Variants in RAP1GAP2 observed in about 807,000 individuals in gnomAD.
The protein encoded by RAP1GAP2 is RAP1 GTPase activating protein 2, also known as rap1 GTPase-activating protein 2.
A neutral mutation model predicts 95.0 loss-of-function variants in RAP1GAP2; 27 were observed. The ratio of observed to expected loss-of-function variants is 0.28; its 90% CI spans 0.21 to 0.39. RAP1GAP2 has a LOEUF of 0.39. Among genes scored for constraint, RAP1GAP2 ranks in the 10% least tolerant of loss-of-function variants. The probability of loss-of-function intolerance (pLI) is 1.00; values close to 1 mark genes in which losing one functional copy is unlikely to be tolerated. For missense variants in RAP1GAP2, 771 were observed against 970.0 expected (o/e 0.79, Z 2.72); for synonymous variants, 373 against 380.9 (o/e 0.98, Z 0.24).
rs114697540 is a variant in RAP1GAP2 at position 2,985,372 on chromosome 17, T to A, written c.813+306T>A. 3.7e-3 allele frequency among the ~76,000 whole-genome samples: 561 copies of A among 152,230 alleles called. 7 individuals are homozygous for A. Among genetic ancestry groups the A allele is most frequent in the African/African-American group, 0.013 (536 of 41,530 alleles). ...CTGCTGGTTATAAGAAAAACCAGACTAGGTCAAGGGAATGGAGGAGCATAG... is the reference window on the plus strand; with the variant it reads ...CTGCTGGTTATAAGAAAAACCAGACAAGGTCAAGGGAATGGAGGAGCATAG... On this transcript the variant is annotated intron_variant, in intron 11 of 24. Transcript: ENST00000254695.
At chr17:2,940,202 G>C (rs1308182287) in intron 3 of RAP1GAP2, among the ~76,000 whole-genome samples, 2 of 152,148 alleles carry the variant, frequency 1.3e-5, no homozygotes, top group South Asian at 4.1e-4. Context: ...CCTGCCACGG[G>C]TCATGGAAGC....
rs78156270 is a variant in RAP1GAP2 at position 2,935,682 on chromosome 17, C to T, written c.166-22077C>T. Among the ~76,000 whole-genome samples, 736 of 152,260 alleles carry T rather than the reference C, an allele frequency of 4.8e-3. 8 individuals carry two copies. Among genetic ancestry groups the T allele is most frequent in the African/African-American group, 0.016 (652 of 41,530 alleles). On this transcript the variant is annotated intron_variant, in intron 3 of 24. Coordinates refer to ENST00000254695, the MANE Select transcript of RAP1GAP2 (RefSeq NM_015085.5). ...TCGATCACTGTTGCAATGTCAAGCA[C>T]GTTCACATTTGTGGCCTCATTTGAT...
At chr17:2,799,572 G>A (rs925813834) in intron 1 of RAP1GAP2, among the ~76,000 whole-genome samples, 10 of 152,314 alleles carry the variant, frequency 6.6e-5, no homozygotes, top group African/African-American at 2.4e-5. Context: ...GCATGCTGGA[G>A]CCAGTGGCAG....
chr17:2,886,678 A>G (rs2073516480), intron 2 of RAP1GAP2, among the ~76,000 whole-genome samples: 1 of 152,072 alleles, frequency 6.6e-6, no homozygotes, highest in Admixed American at 6.6e-5. Flanking sequence ...TGTGGACTTC[A>G]GGTTTGTCTA....
At chr17:2,940,304 C>T (rs1012451986) in intron 3 of RAP1GAP2, among the ~76,000 whole-genome samples, 6 of 152,160 alleles carry the variant, frequency 3.9e-5, no homozygotes, top group African/African-American at 9.7e-5. Context: ...ACTCAGCACC[C>T]GGGCCTTTCC....
At chr17:2,892,184 A>G (rs1034520870) in intron 2 of RAP1GAP2, among the ~76,000 whole-genome samples, 2 of 151,826 alleles carry the variant, frequency 1.3e-5, no homozygotes, top group African/African-American at 4.8e-5. Flanking sequence ...GTCACTGAGA[A>G]TTTTTCATTT....
chr17:2,977,770 AAAGAT>A (rs1245645071), intron 8 of RAP1GAP2, among the ~76,000 whole-genome samples: 1 of 151,202 alleles, frequency 6.6e-6, no homozygotes, highest in African/African-American at 2.4e-5. Flanking sequence ...AAAAAAAAAA[AAAGAT>A]GAGAAGCAAC....
In RAP1GAP2 at chr17:2,905,102, T is replaced by C. The variant is rs148340628; in HGVS notation, c.81-182T>C. On this transcript the variant is annotated intron_variant, in intron 2 of 24. Transcript: ENST00000254695. ...TTCACCATGTTGGTCAGGCTGGTCTTGAACTCCTGACCTCAGGTGATCCGT... is the reference window on the plus strand; with the variant it reads ...TTCACCATGTTGGTCAGGCTGGTCTCGAACTCCTGACCTCAGGTGATCCGT... 9.4e-3 allele frequency among the ~76,000 whole-genome samples: 1,432 copies of C among 152,292 alleles called. 17 individuals carry two copies. Among genetic ancestry groups the C allele is most frequent in the African/African-American group, 0.031 (1,294 of 41,554 alleles).
chr17:2,776,083 G>C (rs532968099), upstream of RAP1GAP2, among the ~76,000 whole-genome samples: 1 of 152,310 alleles, frequency 6.6e-6, no homozygotes, highest in African/African-American at 2.4e-5. Context: ...GCAGGCTGAG[G>C]CACAAGAATC....
At chr17:2,756,210 C>G (rs531156758) in intron 1 of RAP1GAP2, among the ~76,000 whole-genome samples, 45 of 152,232 alleles carry the variant, frequency 3.0e-4, no homozygotes, top group Admixed American at 7.9e-4. Context: ...CAGCCCCCAA[C>G]CCCTGCGTGG....
At position 2,965,676 on chromosome 17, in the gene RAP1GAP2, C is replaced by T. The variant is rs1031546946; in HGVS notation, c.596+33C>T. ...TGTTGCGCTGCTTGAGGCCACTTCT[C>T]TTCCAGGCAGGGCTCTCATCGGTGG... On this transcript the variant is annotated intron_variant, in intron 8 of 24. Coordinates refer to ENST00000254695, the MANE Select transcript of RAP1GAP2 (RefSeq NM_015085.5). The surrounding 1 kb of genome is among the most constrained non-coding windows in gnomAD (Gnocchi z 4.7). 3.4e-6 allele frequency: 5 copies of T among 1,475,816 alleles called. No individual in the cohort carries two copies. Among genetic ancestry groups the T allele is most frequent in the African/African-American group, 2.8e-5 (2 of 72,136 alleles). The allele number at this position is 1,475,816 out of a possible 1,614,324, so 91.4% of individuals were successfully genotyped here.
chr17:2,974,186 A>AC (rs1406572964), intron 8 of RAP1GAP2, among the ~76,000 whole-genome samples: 1 of 41,710 alleles, frequency 2.4e-5, no homozygotes, highest in African/African-American at 1.7e-4. Flanking sequence ...CTAAAAATAC[A>AC]AAAAAAAAAA....
At chr17:2,908,898 G>GTC (rs1246036153) in intron 3 of RAP1GAP2, among the ~76,000 whole-genome samples, 5 of 152,016 alleles carry the variant, frequency 3.3e-5, no homozygotes, top group Non-Finnish European at 1.5e-5. Context: ...TAGAGACAAG[G>GTC]TCTTGCTGTG....
chr17:2,869,678 A>C (rs1404357934), intron 2 of RAP1GAP2, among the ~76,000 whole-genome samples: 1 of 152,106 alleles, frequency 6.6e-6, no homozygotes, highest in Non-Finnish European at 1.5e-5. Context: ...GCCCAAGCTC[A>C]CACCCCCACT....
In RAP1GAP2 at chr17:2,780,096, G is replaced by A. The variant is rs369946727; in HGVS notation, c.-14+2818G>A. On this transcript the variant is annotated intron_variant, in intron 1 of 24. Transcript: ENST00000540393. ...ATGGAGTTTCGCTCTTGTTGTCCAGGCTGGAGTGCAGTGGCGCGATCTCGG... is the reference window on the plus strand; with the variant it reads ...ATGGAGTTTCGCTCTTGTTGTCCAGACTGGAGTGCAGTGGCGCGATCTCGG... Among the ~76,000 whole-genome samples, 18 of 152,290 alleles carry A rather than the reference G, an allele frequency of 1.2e-4. No individual in the cohort carries two copies. In the East Asian group the frequency reaches 1.7e-3, roughly 15 times the overall value.
intron 3 of RAP1GAP2, among the ~76,000 whole-genome samples, chr17:2,922,625 C>T (rs551495874): frequency 1.1e-4 from 16 of 152,138 alleles, no homozygotes; most frequent in South Asian, 2.1e-4. Flanking sequence ...AGCTCCAGCT[C>T]GCACAAATGG....
In RAP1GAP2 at chr17:3,033,837, C is replaced by T. The variant is rs566757630; in HGVS notation, c.*476C>T. On this transcript the variant is annotated 3_prime_UTR_variant, in exon 25 of 25. Coordinates refer to ENST00000254695, the MANE Select transcript of RAP1GAP2 (RefSeq NM_015085.5). The surrounding 1 kb of genome is among the most constrained non-coding windows in gnomAD (Gnocchi z 4.9). Reference sequence around the variant, plus strand: ...CAGGCTTTACTACCAGGAACGCACTCGGTGGTGGAGGCCCCATGTTCCCAG... The same window carrying T: ...CAGGCTTTACTACCAGGAACGCACTTGGTGGTGGAGGCCCCATGTTCCCAG... 3 of 152,358 alleles carry T rather than the reference C, an allele frequency of 2.0e-5. No individual in the cohort carries two copies. The highest frequency in any genetic ancestry group is 2.1e-4 in the South Asian group (1 of 4,826). 9.4% of individuals were successfully genotyped at this position (152,358 alleles called of 1,614,324 possible).
intron 2 of RAP1GAP2, among the ~76,000 whole-genome samples, chr17:2,876,632 C>G (rs575064827): frequency 6.1e-4 from 93 of 152,226 alleles, no homozygotes; most frequent in African/African-American, 2.2e-3. Context: ...AGCAGGTTTC[C>G]GAGAGATGAG....
intron 23 of RAP1GAP2, 29 bp downstream of exon 23, chr17:3,031,027 T>C: frequency 6.4e-7 from 1 of 1,556,908 alleles, no homozygotes; most frequent in Non-Finnish European, 8.7e-7. Flanking sequence ...CACCCCACAC[T>C]CCACTTTCTG....
Sources: allele counts gnomAD v4.1 joint callset (sites outside exome capture counted in the v4.1 genomes callset), GRCh38; gene constraint gnomAD v4.1.1; non-coding constraint Gnocchi (gnomAD v3.1); transcripts MANE v1.5; gene names NCBI Gene and HGNC (gene_info 2026-07-23, HGNC 2026-07-21).